Variants in SKAP1 observed in about 807,000 individuals in gnomAD.
SKAP1 encodes the protein src kinase-associated phosphoprotein 1.
Under a neutral mutation model 58.5 loss-of-function variants are expected in SKAP1, and 44 were observed. That is an observed-to-expected ratio of 0.75 (90% CI 0.59 to 0.97). SKAP1 has a LOEUF of 0.97. SKAP1 is among the 50% of genes least tolerant of loss of function. The probability of loss-of-function intolerance (pLI) is 0.00; values close to 1 mark genes in which losing one functional copy is unlikely to be tolerated. For synonymous variants in SKAP1, 127 were observed against 149.7 expected (o/e 0.85, Z 1.11); for missense variants, 390 against 435.2 (o/e 0.90, Z 0.92).
chr17:48,258,160 C>T (rs1386777419), intron 4 of SKAP1, among the ~76,000 whole-genome samples: 3 of 152,080 alleles, frequency 2.0e-5, no homozygotes, highest in Non-Finnish European at 4.4e-5. Flanking sequence ...AAAGGACAGT[C>T]CTCTGATGGT....
chr17:48,430,870 G>A (rs1468625201), upstream of SKAP1, among the ~76,000 whole-genome samples: 1 of 152,188 alleles, frequency 6.6e-6, no homozygotes, highest in Non-Finnish European at 1.5e-5. Context: ...TTTCCCTCCA[G>A]GAGCTGCGGA....
intron 6 of SKAP1, among the ~76,000 whole-genome samples, chr17:48,187,265 G>A (rs1164877178): frequency 2.6e-5 from 4 of 152,084 alleles, no homozygotes; most frequent in Admixed American, 6.5e-5. Flanking sequence ...GGCTCATTAA[G>A]AAACTATCTC....
chr17:48,343,704 T>G (rs910341510), intron 4 of SKAP1, among the ~76,000 whole-genome samples: 4 of 152,244 alleles, frequency 2.6e-5, no homozygotes, highest in Non-Finnish European at 5.9e-5. Context: ...TCAACTATTT[T>G]AATGAAAATA....
chr17:48,203,294 A>G (rs1049618778), intron 4 of SKAP1, among the ~76,000 whole-genome samples: 6 of 152,274 alleles, frequency 3.9e-5, no homozygotes, highest in African/African-American at 1.4e-4. Context: ...ACCACCATTT[A>G]TTGTTAGGTG....
chr17:48,302,835 CA>C (rs2144136318), intron 4 of SKAP1, among the ~76,000 whole-genome samples: 1 of 152,192 alleles, frequency 6.6e-6, no homozygotes, highest in Admixed American at 6.5e-5. Flanking sequence ...GCTAGGGCTG[CA>C]AAAAGCCAGA....
intron 1 of SKAP1, among the ~76,000 whole-genome samples, chr17:48,412,534 C>G (rs1379529580): frequency 6.6e-6 from 1 of 152,076 alleles, no homozygotes; most frequent in Non-Finnish European, 1.5e-5. Context: ...GGAAAGGAAG[C>G]CCCCTGGTCA....
chr17:48,393,920 C>A (rs1598650081), intron 2 of SKAP1, among the ~76,000 whole-genome samples: 1 of 151,828 alleles, frequency 6.6e-6, no homozygotes, highest in East Asian at 1.9e-4. Context: ...TATCAAACTC[C>A]TAAAATATTA....
At chr17:48,349,604 T>C (rs1403463201) in intron 3 of SKAP1, among the ~76,000 whole-genome samples, 2 of 152,246 alleles carry the variant, frequency 1.3e-5, no homozygotes, top group East Asian at 3.8e-4. Flanking sequence ...AATTTGCTCC[T>C]GTAGCCTAAG....
intron 4 of SKAP1, among the ~76,000 whole-genome samples, chr17:48,328,856 TC>T (rs2066470140): frequency 6.6e-6 from 1 of 152,144 alleles, no homozygotes; most frequent in East Asian, 1.9e-4. Flanking sequence ...CCACCAAACT[TC>T]CATTCCATCT....
intron 9 of SKAP1, among the ~76,000 whole-genome samples, chr17:48,172,039 G>A (rs191718984): frequency 1.2e-3 from 186 of 152,216 alleles, no homozygotes; most frequent in African/African-American, 4.3e-3. Context: ...CAGCCTGGGT[G>A]ACAGAGCAAG....
At chr17:48,406,430 G>T (rs1340265101) in intron 1 of SKAP1, among the ~76,000 whole-genome samples, 1 of 149,492 alleles carries the variant, frequency 6.7e-6, no homozygotes, top group South Asian at 2.1e-4. Flanking sequence ...TTGAGACAGG[G>T]TCTTGCCTTG....
At chr17:48,222,023 T>C (rs2065011793) in intron 4 of SKAP1, among the ~76,000 whole-genome samples, 1 of 152,166 alleles carries the variant, frequency 6.6e-6, no homozygotes, top group Non-Finnish European at 1.5e-5. Flanking sequence ...TAAAGAATTA[T>C]TATTATAATA....
chr17:48,335,035 T>C (rs2066551252), intron 4 of SKAP1, among the ~76,000 whole-genome samples: 1 of 151,900 alleles, frequency 6.6e-6, no homozygotes, highest in South Asian at 2.1e-4. Context: ...TCACTTCACC[T>C]GCGACTGACC....
intron 4 of SKAP1, among the ~76,000 whole-genome samples, chr17:48,258,467 C>T (rs539369016): frequency 6.6e-6 from 1 of 152,236 alleles, no homozygotes; most frequent in East Asian, 1.9e-4. Context: ...TAAAGCATGA[C>T]TGTGCAACAA....
intron 10 of SKAP1, among the ~76,000 whole-genome samples, chr17:48,168,138 G>T (rs531249070): frequency 6.6e-6 from 1 of 152,082 alleles, no homozygotes; most frequent in Non-Finnish European, 1.5e-5. Flanking sequence ...AGGATGAACC[G>T]AATCCCTTCC....
the SKAP1 span, among the ~76,000 whole-genome samples, chr17:48,439,330 A>G: frequency 6.6e-6 from 1 of 152,244 alleles, no homozygotes; most frequent in Non-Finnish European, 1.5e-5. Context: ...CCACTTAATG[A>G]CAAATTGTAA....
At chr17:48,290,993 G>A (rs187975672) in intron 4 of SKAP1, among the ~76,000 whole-genome samples, 1 of 152,066 alleles carries the variant, frequency 6.6e-6, no homozygotes, top group Admixed American at 6.6e-5. Flanking sequence ...AAATTAGCTG[G>A]CTGTGGTGGC....
chr17:48,381,105 C>T (rs2144479472), intron 2 of SKAP1, among the ~76,000 whole-genome samples: 1 of 152,314 alleles, frequency 6.6e-6, no homozygotes, highest in South Asian at 2.1e-4. Context: ...CTTTGACATT[C>T]TTATGCTCTT....
intron 9 of SKAP1, among the ~76,000 whole-genome samples, chr17:48,178,357 C>A (rs1225653887): frequency 6.6e-6 from 1 of 152,066 alleles, no homozygotes; most frequent in African/African-American, 2.4e-5. Flanking sequence ...CAGTTGTAAC[C>A]CAAAGTGGAG....
Sources: allele counts gnomAD v4.1 joint callset (sites outside exome capture counted in the v4.1 genomes callset), GRCh38; gene constraint gnomAD v4.1.1; transcripts MANE v1.5; gene names NCBI Gene and HGNC (gene_info 2026-07-23, HGNC 2026-07-21).